Variants in ANO1 observed in about 807,000 individuals in gnomAD.
ANO1 encodes the protein anoctamin 1.
A neutral mutation model predicts 124.0 loss-of-function variants in ANO1; 59 were observed. The observed-to-expected ratio is 0.48, with a 90% CI of 0.39 to 0.59. The LOEUF is 0.59. ANO1 is among the 20% of genes least tolerant of loss of function. The pLI, the probability that ANO1 is intolerant of heterozygous loss-of-function variation, is 0.00. For synonymous variants in ANO1, 529 were observed against 532.0 expected, an observed-to-expected ratio of 0.99 and a Z score of 0.08; for missense variants, 1,059 against 1,328.0, an observed-to-expected ratio of 0.80 and a Z score of 3.15.
chr11:70,018,615 C>T (rs1234476934), intron 1 of ANO1, among the ~76,000 whole-genome samples: 2 of 152,178 alleles, frequency 1.3e-5, no homozygotes, highest in African/African-American at 4.8e-5. Flanking sequence ...AGAACCCCCT[C>T]CCAACCTGGC....
At chr11:70,118,861 T>C (rs572780472) in intron 8 of ANO1, among the ~76,000 whole-genome samples, 4 of 148,350 alleles carry the variant, frequency 2.7e-5, no homozygotes, top group South Asian at 2.2e-4. Flanking sequence ...GATGGAAGGA[T>C]GAATGATGGA....
chr11:69,972,820 C>G, the ANO1 span, among the ~76,000 whole-genome samples: 1 of 152,154 alleles, frequency 6.6e-6, no homozygotes, highest in African/African-American at 2.4e-5. Context: ...CTGCCGGCCT[C>G]CATTCAGGCC....
chr11:70,151,603 C>G (rs1041611897), intron 12 of ANO1, among the ~76,000 whole-genome samples: 1 of 152,178 alleles, frequency 6.6e-6, no homozygotes, highest in Non-Finnish European at 1.5e-5. Context: ...ATCTCCTGAC[C>G]CTGATGGCTT....
intron 10 of ANO1, 29 bp from the exon 11 acceptor site, chr11:70,131,890 T>C (rs183130595): frequency 2.5e-6 from 4 of 1,587,234 alleles, no homozygotes; most frequent in Non-Finnish European, 3.4e-6. Context: ...CCCAACAAGG[T>C]GACTCCAGGG....
chr11:70,000,568 G>A (rs941308096), intron 1 of ANO1, among the ~76,000 whole-genome samples: 1 of 151,028 alleles, frequency 6.6e-6, no homozygotes, highest in Admixed American at 6.6e-5. Context: ...ACTGCTCATG[G>A]GTGTGGAGAC....
intron 1 of ANO1, among the ~76,000 whole-genome samples, chr11:70,021,599 G>A (rs563183186): frequency 2.0e-5 from 3 of 152,160 alleles, no homozygotes; most frequent in East Asian, 1.9e-4. Context: ...CATTTAAAGC[G>A]GCCTCATTAT....
intron 8 of ANO1, among the ~76,000 whole-genome samples, chr11:70,121,577 C>A (rs1306696975): frequency 1.5e-5 from 2 of 130,406 alleles, no homozygotes; most frequent in African/African-American, 2.8e-5. Flanking sequence ...ATCTGTCTCT[C>A]TGTCTCTGTC....
At chr11:69,972,685 G>A in the ANO1 span, among the ~76,000 whole-genome samples, 1 of 152,120 alleles carries the variant, frequency 6.6e-6, no homozygotes, top group Non-Finnish European at 1.5e-5. Context: ...ACAACCCTAA[G>A]AAGACTCAGG....
chr11:70,124,253 A>C lies in ANO1; in HGVS notation c.898-97A>C, dbSNP rs2046399771. ...CAAGAAGTGTTTATGGGATGAATGA[A>C]TGATGTCACGGAGGCTCAGTCCCCG... On this transcript the variant is annotated intron_variant, in intron 8 of 25. Coordinates refer to ENST00000355303, the MANE Select transcript of ANO1 (RefSeq NM_018043.7). 2.7e-6 allele frequency: 3 copies of C among 1,116,688 alleles called. No homozygotes were observed. The Admixed American group carries it at 5.6e-5, about 21-fold the overall frequency. The allele number at this position is 1,116,688 out of a possible 1,614,324, so 69.2% of individuals were successfully genotyped here. A position where few individuals can be genotyped will look rare whatever the true frequency, so the allele number is the denominator to read the frequency against.
At chr11:70,136,424 G>C (rs2046957236) in intron 11 of ANO1, among the ~76,000 whole-genome samples, 1 of 152,160 alleles carries the variant, frequency 6.6e-6, no homozygotes, top group Non-Finnish European at 1.5e-5. Context: ...GAGTGTCGTG[G>C]GACCTGCAGC....
At chr11:70,156,305 C>G (rs1322290030) in intron 15 of ANO1, among the ~76,000 whole-genome samples, 1 of 152,148 alleles carries the variant, frequency 6.6e-6, no homozygotes, top group Admixed American at 6.5e-5. Flanking sequence ...AACGAGTGGC[C>G]TCCGGTGTCA....
chr11:70,007,289 T>TTTC, intron 1 of ANO1, among the ~76,000 whole-genome samples: 1 of 148,774 alleles, frequency 6.7e-6, no homozygotes, highest in Non-Finnish European at 1.5e-5. Context: ...TTTTTTTTTT[T>TTTC]TTCTTGAGAC....
At chr11:70,039,515 T>C (rs1555004804) in intron 1 of ANO1, among the ~76,000 whole-genome samples, 1 of 152,088 alleles carries the variant, frequency 6.6e-6, no homozygotes, top group African/African-American at 2.4e-5. Context: ...TCAGAAAGTA[T>C]CCAGTAGGAC....
intron 18 of ANO1, among the ~76,000 whole-genome samples, chr11:70,162,352 C>T (rs1335168567): frequency 6.6e-6 from 1 of 152,104 alleles, no homozygotes; most frequent in African/African-American, 2.4e-5. Context: ...CAGTGGGAAG[C>T]TCCAGCAGCA....
At chr11:70,187,263 C>T (rs961531168) in intron 25 of ANO1, among the ~76,000 whole-genome samples, 2 of 152,212 alleles carry the variant, frequency 1.3e-5, no homozygotes, top group Admixed American at 6.5e-5. Flanking sequence ...AAGAAGATTC[C>T]GTTTTTCCAT....
At chr11:70,176,793 C>A (rs76723829) in intron 22 of ANO1, among the ~76,000 whole-genome samples, 3,494 of 152,178 alleles carry the variant, frequency 0.023, 148 homozygotes, top group African/African-American at 0.079. Flanking sequence ...TTCGGGGGAC[C>A]CTTAGAATTT....
chr11:70,061,669 T>C (rs1345753119), intron 1 of ANO1, among the ~76,000 whole-genome samples: 1 of 152,138 alleles, frequency 6.6e-6, no homozygotes, highest in Non-Finnish European at 1.5e-5. Flanking sequence ...TAATCCAGCC[T>C]TTATAGATGT....
At chr11:70,009,538 C>A (rs1197878782) in intron 1 of ANO1, among the ~76,000 whole-genome samples, 2 of 152,156 alleles carry the variant, frequency 1.3e-5, no homozygotes, top group South Asian at 2.1e-4. Context: ...TTTTGAGAAG[C>A]TTTTTGAAAA....
chr11:70,036,504 G>A (rs1423697399), intron 1 of ANO1, among the ~76,000 whole-genome samples: 4 of 152,162 alleles, frequency 2.6e-5, no homozygotes, highest in African/African-American at 7.2e-5. Context: ...CCTGCTCGGT[G>A]ACTCTTCCTC....
Sources: allele counts gnomAD v4.1 joint callset (sites outside exome capture counted in the v4.1 genomes callset), GRCh38; gene constraint gnomAD v4.1.1; transcripts MANE v1.5; gene names NCBI Gene and HGNC (gene_info 2026-07-23, HGNC 2026-07-21).